The following TAFA2 variants were observed in gnomAD, a reference collection of about 807,000 sequenced individuals.
TAFA2 encodes the protein chemokine-like protein TAFA-2.
A neutral mutation model predicts 18.8 loss-of-function variants in TAFA2; 7 were observed. That is an observed-to-expected ratio of 0.37 (90% CI 0.21 to 0.70). TAFA2 has a LOEUF of 0.70. TAFA2 is among the 30% of genes least tolerant of loss of function. The pLI is 0.53. For synonymous variants in TAFA2, 60 were observed against 54.2 expected, an observed-to-expected ratio of 1.11 and a Z score of -0.47; for missense variants, 122 against 158.1, an observed-to-expected ratio of 0.77 and a Z score of 1.23.
chr12:61,753,528 A>G, intron 4 of TAFA2, 94 bp downstream of exon 4: 1 of 1,177,050 alleles, frequency 8.5e-7, no homozygotes, highest in Non-Finnish European at 1.2e-6. Context: ...ATACTCTTCC[A>G]TTCCACAATT....
intron 1 of TAFA2, chr12:62,255,120 TAATTA>T (rs1042082067): frequency 5.3e-5 from 8 of 152,240 alleles, no homozygotes; most frequent in African/African-American, 1.9e-4. Context: ...TAACGTATTT[TAATTA>T]AATTTGACAT....
At chr12:62,189,615 C>T (rs73131820) in intron 1 of TAFA2, among the ~76,000 whole-genome samples, 11,920 of 152,164 alleles carry the variant, frequency 0.078, 596 homozygotes, top group Middle Eastern at 0.18. Context: ...GGGGTAAGTA[C>T]AAATAATCTT....
chr12:62,157,266 GA>G lies in TAFA2; in HGVS notation c.-2+33992del, dbSNP rs1241464479. ...ATATCAAAAAATGATTTGGGAAGAGGATTTTTTTTTATTTAAAAAAAGTCAA... is the reference window on the plus strand; with the variant it reads ...ATATCAAAAAATGATTTGGGAAGAGGTTTTTTTTTATTTAAAAAAAGTCAA... On this transcript the variant is annotated intron_variant, in intron 1 of 4. Transcript: ENST00000416284. Among the ~76,000 whole-genome samples the G allele has an allele frequency of 2.6e-5, 4 of 151,842 alleles. No individual in the cohort carries two copies. In the East Asian group the frequency reaches 7.7e-4, roughly 29 times the overall value.
At chr12:62,009,422 A>G (rs1397330089) in intron 1 of TAFA2, among the ~76,000 whole-genome samples, 2 of 152,170 alleles carry the variant, frequency 1.3e-5, no homozygotes, top group African/African-American at 4.8e-5. Flanking sequence ...GGGAATTTGA[A>G]GATTATACAT....
chr12:62,114,628 A>G (rs1869881027), intron 1 of TAFA2, among the ~76,000 whole-genome samples: 1 of 152,226 alleles, frequency 6.6e-6, no homozygotes, highest in African/African-American at 2.4e-5. Context: ...AGGCATATTA[A>G]TTATGTAGTC....
At chr12:62,088,942 G>A (rs925341719) in intron 1 of TAFA2, among the ~76,000 whole-genome samples, 3 of 151,380 alleles carry the variant, frequency 2.0e-5, no homozygotes, top group African/African-American at 4.9e-5. Flanking sequence ...GCGCGCGCAC[G>A]CATCTGTCTC....
chr12:62,048,329 CTT>C (rs1266484953), intron 1 of TAFA2, among the ~76,000 whole-genome samples: 1 of 152,134 alleles, frequency 6.6e-6, no homozygotes, highest in Non-Finnish European at 1.5e-5. Flanking sequence ...GGAAGAGCCT[CTT>C]ATAAAACTAT....
intron 1 of TAFA2, chr12:61,880,331 G>T (rs1875067116): frequency 2.0e-6 from 1 of 487,936 alleles, no homozygotes; most frequent in Non-Finnish European, 4.1e-6. Context: ...CACCATCACA[G>T]ATGCCGAGAA....
At chr12:61,903,417 C>A (rs902937772) in intron 1 of TAFA2, among the ~76,000 whole-genome samples, 31 of 152,162 alleles carry the variant, frequency 2.0e-4, no homozygotes, top group African/African-American at 7.2e-4. Flanking sequence ...GCACTCAATT[C>A]ATTTTTACCA....
intron 2 of TAFA2, among the ~76,000 whole-genome samples, chr12:61,808,157 G>T (rs184564269): frequency 6.6e-6 from 1 of 151,676 alleles, no homozygotes; most frequent in East Asian, 1.9e-4. Context: ...CCAGTGAAAG[G>T]TAATTGAATC....
chr12:61,913,902 C>T (rs1025058855), intron 1 of TAFA2, among the ~76,000 whole-genome samples: 5 of 152,226 alleles, frequency 3.3e-5, no homozygotes, highest in Admixed American at 3.3e-4. Flanking sequence ...TCAAGGGTTA[C>T]AGTTTAGCTA....
chr12:61,836,644 C>A (rs1592422761), intron 2 of TAFA2, among the ~76,000 whole-genome samples: 1 of 150,850 alleles, frequency 6.6e-6, no homozygotes, highest in Non-Finnish European at 1.5e-5. Context: ...TCTTTGAAAG[C>A]AGTTCAAAAC....
intron 1 of TAFA2, among the ~76,000 whole-genome samples, chr12:62,105,994 T>C (rs1400146810): frequency 6.6e-6 from 1 of 152,130 alleles, no homozygotes; most frequent in Non-Finnish European, 1.5e-5. Context: ...GCTAACTGTG[T>C]TTCAATTTAT....
At chr12:61,780,125 G>T (rs1438635788) in intron 2 of TAFA2, among the ~76,000 whole-genome samples, 1 of 146,242 alleles carries the variant, frequency 6.8e-6, no homozygotes, top group Non-Finnish European at 1.5e-5. Context: ...CCAAGTCACA[G>T]GACATATGGA....
Position 61,754,890 on chromosome 12 carries a change from C to T in TAFA2, c.241G>A (p.Ala81Thr). The change falls in exon 3 of 5, where the codon GCT becomes ACT. Residue 81 changes from alanine to threonine, a missense_variant. Physicochemically the swap from Ala to Thr is moderately conservative, Grantham distance 58. Coordinates refer to ENST00000416284, the MANE Select transcript of TAFA2 (RefSeq NM_178539.5). ...GTCACACCATCCACACATGATGGAG[C>T]AGCTCGCGTGGTGCCTGCCACCTGC... ...PGQVAGTTRA[A>T]PSCVDASIVE... The T allele has an allele frequency of 5.0e-6, 8 of 1,612,680 alleles. No homozygotes were observed. The highest frequency in any genetic ancestry group is 6.8e-6 in the Non-Finnish European group (8 of 1,179,256).
intron 2 of TAFA2, among the ~76,000 whole-genome samples, chr12:61,822,919 G>A (rs909470335): frequency 2.0e-5 from 3 of 152,082 alleles, no homozygotes; most frequent in Admixed American, 2.0e-4. Context: ...CAAGCCTCTA[G>A]CCAAGGTTTA....
At chr12:61,735,014 A>G (rs7137618) in intron 4 of TAFA2, among the ~76,000 whole-genome samples, 43,815 of 151,878 alleles carry the variant, frequency 0.29, 6,880 homozygotes, top group South Asian at 0.38. Context: ...GCTAGTATGT[A>G]TAAAGTTCTT....
At chr12:61,840,938 C>G (rs758984084) in intron 2 of TAFA2, among the ~76,000 whole-genome samples, 4 of 152,086 alleles carry the variant, frequency 2.6e-5, no homozygotes, top group Non-Finnish European at 5.9e-5. Flanking sequence ...GGTCAACCAT[C>G]AACATAAAAG....
intron 1 of TAFA2, among the ~76,000 whole-genome samples, chr12:62,133,327 A>G (rs958206905): frequency 6.6e-6 from 1 of 152,038 alleles, no homozygotes; most frequent in African/African-American, 2.4e-5. Context: ...CCCAGGACTA[A>G]GCATGTCAGT....
Sources: gnomAD v4.1 joint callset for allele counts (sites outside exome capture counted in the v4.1 genomes callset) on GRCh38, gnomAD v4.1.1 for gene constraint, MANE v1.5 for transcripts, NCBI Gene and HGNC (gene_info 2026-07-23, HGNC 2026-07-21) for gene names.